The following SPAG16 variants were observed in gnomAD, a reference collection of about 807,000 sequenced individuals.
SPAG16 encodes sperm-associated antigen 16 protein.
In SPAG16, 86 loss-of-function variants were observed where a neutral mutation model predicts 80.4. The ratio of observed to expected loss-of-function variants is 1.07; its 90% CI spans 0.90 to 1.28. The LOEUF is 1.28. Ranked by LOEUF, SPAG16 falls within the 50% of genes most tolerant of loss-of-function variation. The probability of loss-of-function intolerance (pLI) is 0.00; values close to 1 mark genes in which losing one functional copy is unlikely to be tolerated. For missense variants in SPAG16, 870 were observed against 765.3 expected (o/e 1.14, Z -1.61); for synonymous variants, 294 against 265.9 (o/e 1.11, Z -1.03).
At chr2:213,295,995 G>A (rs753292714) in intron 1 of SPAG16, 69 bp from the exon 2 acceptor site, 1 of 1,337,678 alleles carries the variant, frequency 7.5e-7, no homozygotes, top group African/African-American at 1.4e-5. Flanking sequence ...ATATTTGAAG[G>A]TCAAATCAAT....
intron 10 of SPAG16, among the ~76,000 whole-genome samples, chr2:213,524,327 GA>G (rs1271754014): frequency 6.6e-6 from 1 of 152,242 alleles, no homozygotes; most frequent in Non-Finnish European, 1.5e-5. Flanking sequence ...TGTCCAGGCA[GA>G]AGTTTGCTGC....
intron 15 of SPAG16, among the ~76,000 whole-genome samples, chr2:214,264,540 C>T (rs1482632084): frequency 2.0e-5 from 3 of 152,096 alleles, no homozygotes; most frequent in African/African-American, 7.2e-5. Context: ...CCTCTCCTTT[C>T]TCACCCCCTT....
intron 12 of SPAG16, among the ~76,000 whole-genome samples, chr2:213,955,628 C>CT (rs1325267432): frequency 2.0e-5 from 3 of 151,980 alleles, no homozygotes; most frequent in African/African-American, 7.2e-5. Context: ...CAACTTTGTT[C>CT]TTTTTTAAGA....
intron 10 of SPAG16, among the ~76,000 whole-genome samples, chr2:213,664,668 C>T (rs1332176238): frequency 6.6e-6 from 1 of 152,018 alleles, no homozygotes; most frequent in Non-Finnish European, 1.5e-5. Context: ...TTTTAACTCA[C>T]TATACTCAAG....
intron 9 of SPAG16, among the ~76,000 whole-genome samples, chr2:213,394,907 A>G (rs2067955968): frequency 6.6e-6 from 1 of 152,134 alleles, no homozygotes; most frequent in African/African-American, 2.4e-5. Flanking sequence ...AATTTCTTTA[A>G]TGCCTATATG....
chr2:213,672,278 A>G (rs1046167943), intron 10 of SPAG16, among the ~76,000 whole-genome samples: 2 of 151,526 alleles, frequency 1.3e-5, no homozygotes, highest in East Asian at 1.9e-4. Flanking sequence ...CTCAGTCCCT[A>G]TCAAGCTAGA....
rs566314801 is a variant in SPAG16, at chr2:213,447,376, G to A, written c.943-42587G>A. Among the ~76,000 whole-genome samples the A allele has an allele frequency of 5.9e-5, 9 of 152,318 alleles. No individual in the cohort carries two copies. The East Asian group carries it at 1.5e-3, about 26-fold the overall frequency. Reference sequence around the variant, plus strand: ...AACTGGCTATCGCCATGTCCAGACTGCAAGTATGGGAAGGGGAAACTTTTC... The same window carrying A: ...AACTGGCTATCGCCATGTCCAGACTACAAGTATGGGAAGGGGAAACTTTTC... On this transcript the variant is annotated intron_variant, in intron 9 of 15. Coordinates refer to ENST00000331683, the MANE Select transcript of SPAG16 (RefSeq NM_024532.5).
intron 11 of SPAG16, among the ~76,000 whole-genome samples, chr2:213,874,727 G>C (rs919859191): frequency 6.6e-6 from 1 of 152,092 alleles, no homozygotes; most frequent in Non-Finnish European, 1.5e-5. Context: ...ATCACTGACT[G>C]CAATGACTTT....
At chr2:213,878,223 A>G (rs1453278332) in intron 11 of SPAG16, among the ~76,000 whole-genome samples, 2 of 151,592 alleles carry the variant, frequency 1.3e-5, no homozygotes, top group Non-Finnish European at 2.9e-5. Context: ...ATTGAATGGC[A>G]GTTCTATTTT....
intron 10 of SPAG16, among the ~76,000 whole-genome samples, chr2:213,625,952 A>G (rs1439739785): frequency 6.6e-6 from 1 of 152,102 alleles, no homozygotes; most frequent in Non-Finnish European, 1.5e-5. Flanking sequence ...GGTCTCCCAA[A>G]GTGCTGAGAT....
At chr2:213,439,523 A>C (rs567125663) in intron 9 of SPAG16, among the ~76,000 whole-genome samples, 63 of 152,328 alleles carry the variant, frequency 4.1e-4, no homozygotes, top group African/African-American at 1.4e-3. Flanking sequence ...TGGAAAGCAG[A>C]ACTTGTAAAT....
chr2:213,511,041 A>G (rs941129255), intron 10 of SPAG16, among the ~76,000 whole-genome samples: 1 of 152,170 alleles, frequency 6.6e-6, no homozygotes, highest in African/African-American at 2.4e-5. Flanking sequence ...TTTGAATATT[A>G]AAATATTAAA....
intron 10 of SPAG16, among the ~76,000 whole-genome samples, chr2:213,774,013 CTCTG>C (rs531697810): frequency 5.3e-4 from 80 of 152,220 alleles, no homozygotes; most frequent in African/African-American, 1.6e-3. Context: ...TTTTAGAATC[CTCTG>C]TCTGTTCACT....
At chr2:213,780,571 C>CTTTTTTTTTTTT (rs367744311) in intron 10 of SPAG16, among the ~76,000 whole-genome samples, 12 of 124,600 alleles carry the variant, frequency 9.6e-5, no homozygotes, top group Admixed American at 1.7e-4. Flanking sequence ...TCTTTTCTTT[C>CTTTTTTTTTTTT]TTTTTTTTTT....
intron 11 of SPAG16, among the ~76,000 whole-genome samples, chr2:213,896,316 A>G (rs879719479): frequency 6.6e-6 from 1 of 152,052 alleles, no homozygotes; most frequent in Non-Finnish European, 1.5e-5. Context: ...GTGATGATGC[A>G]GAGAAAAGGG....
intron 10 of SPAG16, among the ~76,000 whole-genome samples, chr2:213,630,156 G>T (rs1262092124): frequency 6.6e-6 from 1 of 152,138 alleles, no homozygotes; most frequent in Non-Finnish European, 1.5e-5. Flanking sequence ...GGCTGAGGTG[G>T]GTGGATCACA....
intron 15 of SPAG16, among the ~76,000 whole-genome samples, chr2:214,248,664 C>A (rs1173315631): frequency 6.6e-6 from 1 of 151,930 alleles, no homozygotes; most frequent in African/African-American, 2.4e-5. Flanking sequence ...AAAAAGCCAA[C>A]AAAAAGTCCT....
At chr2:214,279,335 T>G (rs4638734) in intron 15 of SPAG16, among the ~76,000 whole-genome samples, 2,814 of 152,262 alleles carry the variant, frequency 0.018, 63 homozygotes, top group East Asian at 0.07. Flanking sequence ...GACCTTGTGA[T>G]CCGCCCTCCT....
chr2:213,726,194 C>A (rs1032890100), intron 10 of SPAG16, among the ~76,000 whole-genome samples: 1 of 152,196 alleles, frequency 6.6e-6, no homozygotes, highest in Non-Finnish European at 1.5e-5. Flanking sequence ...AGGAGCAACC[C>A]TCAGTCGGTG....
Sources: gnomAD v4.1 joint callset for allele counts (sites outside exome capture counted in the v4.1 genomes callset) on GRCh38, gnomAD v4.1.1 for gene constraint, MANE v1.5 for transcripts, NCBI Gene and HGNC (gene_info 2026-07-23, HGNC 2026-07-21) for gene names.